ERICH6B: variants seen among roughly 807,000 people sequenced by gnomAD.
ERICH6B encodes glutamate-rich protein 6B.
A neutral mutation model predicts 80.0 loss-of-function variants in ERICH6B; 69 were observed. That is an observed-to-expected ratio of 0.86 (90% CI 0.71 to 1.05). The LOEUF (loss-of-function observed/expected upper bound fraction) is 1.05, where lower values mean the gene tolerates loss of function less well. Ranked by LOEUF, ERICH6B falls within the 50% of genes least tolerant of loss-of-function variation. ERICH6B has a pLI of 0.00. For synonymous variants in ERICH6B, 283 were observed against 291.9 expected (o/e 0.97, Z 0.31); for missense variants, 754 against 796.1 (o/e 0.95, Z 0.64).
chr13:45,591,469 G>A (rs777671793), intron 3 of ERICH6B, among the ~76,000 whole-genome samples: 6 of 152,084 alleles, frequency 3.9e-5, no homozygotes, highest in East Asian at 3.9e-4. Flanking sequence ...AGTGGCAGGC[G>A]CCTGTAGTCC....
At position 45,580,584 on chromosome 13, in the gene ERICH6B, A is replaced by G; in HGVS notation, c.919+19T>C. ...ATGACTAACTTCTACAGATCATTTA[A>G]AATCATCATAAACTTTACCTTCCGG... On this transcript the variant is annotated intron_variant, in intron 6 of 14. Coordinates refer to ENST00000298738, the MANE Select transcript of ERICH6B (RefSeq NM_182542.3). The G allele has an allele frequency of 2.6e-6, 4 of 1,551,188 alleles. No individual in the cohort carries two copies. Among genetic ancestry groups the G allele is most frequent in the Non-Finnish European group, 3.5e-6 (4 of 1,146,558 alleles).
chr13:45,556,294 C>T (rs943869535), intron 11 of ERICH6B, among the ~76,000 whole-genome samples: 1 of 152,100 alleles, frequency 6.6e-6, no homozygotes, highest in Non-Finnish European at 1.5e-5. Flanking sequence ...CGTAGGTTCT[C>T]CACATGTATT....
chr13:45,555,165 G>A (rs776160373), intron 11 of ERICH6B, among the ~76,000 whole-genome samples: 1 of 152,168 alleles, frequency 6.6e-6, no homozygotes, highest in Non-Finnish European at 1.5e-5. Flanking sequence ...AGAACATGGA[G>A]TTATATAGCC....
intron 14 of ERICH6B, among the ~76,000 whole-genome samples, chr13:45,542,050 C>T (rs1190999435): frequency 6.6e-6 from 1 of 152,172 alleles, no homozygotes; most frequent in East Asian, 1.9e-4. Context: ...AGCTGGGATG[C>T]CTCACAGTGG....
intron 5 of ERICH6B, among the ~76,000 whole-genome samples, chr13:45,581,530 C>G (rs111740979): frequency 6.6e-6 from 1 of 152,214 alleles, no homozygotes; most frequent in Admixed American, 6.5e-5. Flanking sequence ...GCGTGTGCCA[C>G]CACACCTGGC....
At chr13:45,608,261 G>A (rs1326318405) in intron 1 of ERICH6B, among the ~76,000 whole-genome samples, 3 of 152,084 alleles carry the variant, frequency 2.0e-5, no homozygotes, top group Non-Finnish European at 4.4e-5. Context: ...GGGAACACTC[G>A]GCCTCAGCCT....
chr13:45,561,158 T>G (rs1874656227), intron 11 of ERICH6B, among the ~76,000 whole-genome samples: 1 of 152,170 alleles, frequency 6.6e-6, no homozygotes, highest in Non-Finnish European at 1.5e-5. Flanking sequence ...ATAGAGACCC[T>G]GCAGGCAGAA....
At chr13:45,613,049 T>A (rs1176348490) in intron 1 of ERICH6B, among the ~76,000 whole-genome samples, 1 of 152,102 alleles carries the variant, frequency 6.6e-6, no homozygotes, top group Admixed American at 6.5e-5. Context: ...TTTGCAAGTT[T>A]CCAGGAGTTA....
intron 9 of ERICH6B, among the ~76,000 whole-genome samples, chr13:45,565,911 G>T (rs1874893342): frequency 6.6e-6 from 1 of 152,214 alleles, no homozygotes; most frequent in South Asian, 2.1e-4. Flanking sequence ...GGAGGCCTCA[G>T]AAGAAGACAG....
Position 45,555,456 on chromosome 13 carries a change from G to T in ERICH6B, c.1408-5140C>A, listed in dbSNP as rs545314912. 3 of 152,272 alleles carry T rather than the reference G, an allele frequency of 2.0e-5. No individual in the cohort carries two copies. In the East Asian group the frequency reaches 5.8e-4, roughly 29 times the overall value. The allele number at this position is 152,272 out of a possible 1,614,324, so 9.4% of individuals were successfully genotyped here. ...TTGGTTAACCGTGTTGATTTCCTAT[G>T]CTCCTTCACTTTTGCCACAATTGAG... On this transcript the variant is annotated intron_variant, in intron 11 of 14. Coordinates refer to ENST00000298738, the MANE Select transcript of ERICH6B (RefSeq NM_182542.3).
chr13:45,556,182 T>C (rs139799567), intron 11 of ERICH6B, among the ~76,000 whole-genome samples: 1 of 152,008 alleles, frequency 6.6e-6, no homozygotes, highest in East Asian at 1.9e-4. Flanking sequence ...TACTTCTGTG[T>C]ATTGACTCTC....
At chr13:45,560,480 C>T (rs1874625395) in intron 11 of ERICH6B, among the ~76,000 whole-genome samples, 1 of 152,144 alleles carries the variant, frequency 6.6e-6, no homozygotes. Context: ...CACCCACAGC[C>T]CAGAGTTTAC....
chr13:45,563,806 C>T lies in ERICH6B; in HGVS notation c.1188-18G>A, dbSNP rs1012282212. ...TCTTCAGCCTAAAAGGAAAGTGGAT[C>T]ATCTTTAGAAGCCAAGACTAAGTTC... On this transcript the variant is annotated intron_variant, in intron 9 of 14. Transcript: ENST00000298738. 2.8e-5 allele frequency: 43 copies of T among 1,548,936 alleles called. No homozygotes were observed. Among genetic ancestry groups the T allele is most frequent in the African/African-American group, 4.1e-5 (3 of 72,936 alleles).
At chr13:45,566,213 C>T (rs1874906611) in intron 9 of ERICH6B, among the ~76,000 whole-genome samples, 1 of 152,206 alleles carries the variant, frequency 6.6e-6, no homozygotes, top group Non-Finnish European at 1.5e-5. Context: ...TAAAGGCATT[C>T]AGTTTACTAA....
chr13:45,608,288 A>G (rs1027907908), intron 1 of ERICH6B, among the ~76,000 whole-genome samples: 2 of 152,234 alleles, frequency 1.3e-5, no homozygotes, highest in Non-Finnish European at 1.5e-5. Flanking sequence ...GCTTGATGGC[A>G]GCACAAAAAT....
At position 45,596,773 on chromosome 13, in the gene ERICH6B, T is replaced by C. The variant is rs867076874; in HGVS notation, c.233A>G (p.Glu78Gly). 6.4e-7 allele frequency: 1 copy of C among 1,551,624 alleles called. No homozygotes were observed. The highest frequency in any genetic ancestry group is 8.7e-7 in the Non-Finnish European group (1 of 1,146,962). Residue 78 changes from glutamate (E) to glycine (G), a missense_variant, in exon 3 of 15, where the codon GAA (glutamate) becomes GGA (glycine). Transcript: ENST00000298738. Reference sequence around the variant, plus strand: ...CAGATACTCTTCCTCCTTCAAGTATTCTTCTTTCCCCAGATACTCTTCCTC... The same window carrying C: ...CAGATACTCTTCCTCCTTCAAGTATCCTTCTTTCCCCAGATACTCTTCCTC... ...LEEEEYLGKE[E>G]YLKEEEYLGK...
In ERICH6B at chr13:45,595,671, T is replaced by TTC. The variant is rs1371761773; in HGVS notation, c.637+696_637+697dup. Among the ~76,000 whole-genome samples the TTC allele has an allele frequency of 8.7e-5, 13 of 149,880 alleles. 1 individual carries two copies. Among genetic ancestry groups the TTC allele is most frequent in the African/African-American group, 1.5e-4 (6 of 40,640 alleles). On this transcript the variant is annotated intron_variant, in intron 3 of 14. Coordinates refer to ENST00000298738, the MANE Select transcript of ERICH6B (RefSeq NM_182542.3). Reference sequence around the variant, plus strand: ...TATAGTTTCTTTCTTTCTTTCCTTCTTCTCTCTCTTTTTTTTTTTTTTTTT... The same window carrying TTC: ...TATAGTTTCTTTCTTTCTTTCCTTCTTCTCTCTCTCTTTTTTTTTTTTTTTTT...
chr13:45,595,537 G>GTA (rs1281586260), intron 3 of ERICH6B, among the ~76,000 whole-genome samples: 80 of 151,964 alleles, frequency 5.3e-4, no homozygotes, highest in Middle Eastern at 6.8e-3. Flanking sequence ...ATGTGTGTGT[G>GTA]TATATATATA....
At chr13:45,580,557 G>A (rs1416495114) in intron 6 of ERICH6B, 46 bp downstream of exon 6, 3 of 1,537,296 alleles carry the variant, frequency 2.0e-6, no homozygotes, top group African/African-American at 2.8e-5. Context: ...TCTCTGGGAT[G>A]GATGACTAAC....
Sources: allele counts gnomAD v4.1 joint callset (sites outside exome capture counted in the v4.1 genomes callset), GRCh38; gene constraint gnomAD v4.1.1; transcripts MANE v1.5; gene names NCBI Gene and HGNC (gene_info 2026-07-23, HGNC 2026-07-21).